BMPR2: variants seen among roughly 807,000 people sequenced by gnomAD.
BMPR2 encodes the protein bone morphogenetic protein receptor type 2.
A neutral mutation model predicts 100.8 loss-of-function variants in BMPR2; 29 were observed. The observed-to-expected ratio is 0.29, with a 90% confidence interval of 0.21 to 0.39. The LOEUF is 0.39. BMPR2 is among the 10% of genes least tolerant of loss of function. BMPR2 has a pLI of 1.00. For synonymous variants in BMPR2, 382 were observed against 442.3 expected, an observed-to-expected ratio of 0.86 and a Z score of 1.71; for missense variants, 1,011 against 1,274.5, an observed-to-expected ratio of 0.79 and a Z score of 3.15.
At chr2:202,524,387 G>A (rs1687871778) in intron 7 of BMPR2, among the ~76,000 whole-genome samples, 1 of 148,268 alleles carries the variant, frequency 6.7e-6, no homozygotes. Context: ...ACAACTACCT[G>A]TTGGGTACTA....
In BMPR2 at chr2:202,472,346, T is replaced by C. The variant is rs1692453302; in HGVS notation, c.418+4657T>C. Among the ~76,000 whole-genome samples, 3 of 152,354 alleles carry C rather than the reference T, an allele frequency of 2.0e-5. No homozygotes were observed. In the South Asian group the frequency reaches 6.2e-4, roughly 32 times the overall value. On this transcript the variant is annotated intron_variant, in intron 3 of 12. Coordinates refer to ENST00000374580, the MANE Select transcript of BMPR2 (RefSeq NM_001204.7). ...CAAAACAAAGTCTCTAATTTTCACT[T>C]GTACTTCTAGCTAGATGAAAGAGAG... is the stretch of plus-strand genomic sequence containing the variant.
At chr2:202,393,078 C>G (rs1574424569) in intron 1 of BMPR2, among the ~76,000 whole-genome samples, 1 of 151,944 alleles carries the variant, frequency 6.6e-6, no homozygotes, top group African/African-American at 2.4e-5. Context: ...CAGCATGTAC[C>G]TATATTTAAT....
intron 1 of BMPR2, among the ~76,000 whole-genome samples, chr2:202,411,000 A>G (rs1457158366): frequency 2.6e-5 from 4 of 152,176 alleles, no homozygotes; most frequent in Non-Finnish European, 4.4e-5. Flanking sequence ...CAGTTAATAA[A>G]TAGAAGGAGT....
chr2:202,489,948 G>A (rs576794101), intron 3 of BMPR2, among the ~76,000 whole-genome samples: 1 of 152,244 alleles, frequency 6.6e-6, no homozygotes, highest in African/African-American at 2.4e-5. Context: ...ATAATCATAG[G>A]TTTGTAGAAC....
rs566171260 is a variant in BMPR2 at position 202,394,258 on chromosome 2, G to A, written c.76+16708G>A. Among the ~76,000 whole-genome samples, 33 of 152,148 alleles carry A rather than the reference G, an allele frequency of 2.2e-4. 1 individual carries two copies. The highest frequency in any genetic ancestry group is 8.0e-4 in the African/African-American group (33 of 41,504). On this transcript the variant is annotated intron_variant, in intron 1 of 12. Transcript: ENST00000374580. ...TCCCAGCTACTTGGAGGCTGAGGCA[G>A]GAGAATTGCTTGAACCCGGAAGGCG...
At chr2:202,471,891 G>C (rs533813676) in intron 3 of BMPR2, among the ~76,000 whole-genome samples, 1 of 151,590 alleles carries the variant, frequency 6.6e-6, no homozygotes. Flanking sequence ...TGATTCTACT[G>C]TGTATTGGTT....
At chr2:202,449,308 CAAAT>C (rs200671172) in intron 1 of BMPR2, among the ~76,000 whole-genome samples, 33,924 of 142,820 alleles carry the variant, frequency 0.24, 4,754 homozygotes, top group East Asian at 0.53. Context: ...AACTCCATCT[CAAAT>C]AAATAAATAA....
chr2:202,556,644 T>G, intron 12 of BMPR2, 113 bp downstream of exon 12: 1 of 1,313,030 alleles, frequency 7.6e-7, no homozygotes, highest in Non-Finnish European at 1.1e-6. Context: ...CCTTTACCAC[T>G]TTTGTAAATG....
rs1394056225 is a variant in BMPR2 at position 202,376,377 on chromosome 2, G to T, written c.-1098G>T. Among the ~76,000 whole-genome samples, 5 of 148,582 alleles carry T rather than the reference G, an allele frequency of 3.4e-5. No individual in the cohort carries two copies. The highest frequency in any genetic ancestry group is 6.0e-5 in the Non-Finnish European group (4 of 66,930). ...CTCGGAGCCACTGGAAGTGCCTCCC[G>T]GAGGGACGCAGGGTGTCTCGCCGCC... is the stretch of plus-strand genomic sequence containing the variant. On this transcript the variant is annotated 5_prime_UTR_variant, in exon 1 of 13. Transcript: ENST00000374580.
At chr2:202,388,943 A>G (rs760694945) in intron 1 of BMPR2, among the ~76,000 whole-genome samples, 23 of 152,156 alleles carry the variant, frequency 1.5e-4, no homozygotes, top group Non-Finnish European at 2.8e-4. Flanking sequence ...GTTATTTGCA[A>G]TTAAAAGTGT....
At chr2:202,558,347 G>A (rs769891823) in intron 12 of BMPR2, among the ~76,000 whole-genome samples, 64 of 152,078 alleles carry the variant, frequency 4.2e-4, no homozygotes, top group South Asian at 1.9e-3. Context: ...CTGGACTTCA[G>A]GTGATCCACC....
intron 3 of BMPR2, chr2:202,505,143 C>T (rs12987781): frequency 0.12 from 18,646 of 156,718 alleles, 1,230 homozygotes; most frequent in Admixed American, 0.14. Flanking sequence ...ATTTTCAAAA[C>T]ACCAATAGCT....
At chr2:202,510,000 A>G (rs2105998918) in intron 3 of BMPR2, among the ~76,000 whole-genome samples, 1 of 152,122 alleles carries the variant, frequency 6.6e-6, no homozygotes, top group South Asian at 2.1e-4. Context: ...ATTAACTCAT[A>G]TTTACTTGAA....
At chr2:202,513,654 CTG>C (rs1445067284) in intron 3 of BMPR2, 63 bp from the exon 4 acceptor site, 1 of 1,194,624 alleles carries the variant, frequency 8.4e-7, no homozygotes, top group African/African-American at 1.5e-5. Context: ...AAAGGGCAGT[CTG>C]TCAGTATTTA....
At chr2:202,485,136 A>T (rs998608479) in intron 3 of BMPR2, among the ~76,000 whole-genome samples, 1 of 151,952 alleles carries the variant, frequency 6.6e-6, no homozygotes, top group South Asian at 2.1e-4. Flanking sequence ...CAATGCCCTA[A>T]TAGTTTCTAA....
chr2:202,473,795 T>TAAAATA (rs1553504117), intron 3 of BMPR2, among the ~76,000 whole-genome samples: 6 of 124,152 alleles, frequency 4.8e-5, no homozygotes, highest in African/African-American at 1.8e-4. Context: ...TGTCTCAAAA[T>TAAAATA]AAATAAAATA....
rs537491237 is a variant in BMPR2, at chr2:202,519,192, G to A, written c.852+140G>A. On this transcript the variant is annotated intron_variant, in intron 6 of 12. Transcript: ENST00000374580. ...GCCTCGCCAACATGGCAAAACTCCC[G>A]TCTCTACTAAAAATACAAAAATTAG... 469 of 845,468 alleles carry A rather than the reference G, an allele frequency of 5.5e-4. 5 individuals carry two copies. Among genetic ancestry groups the A allele is most frequent in the South Asian group, 2.2e-3 (156 of 69,382 alleles). 52.4% of individuals were successfully genotyped at this position (845,468 alleles called of 1,614,324 possible).
intron 1 of BMPR2, among the ~76,000 whole-genome samples, chr2:202,425,330 A>C (rs1022091428): frequency 3.3e-5 from 5 of 152,200 alleles, no homozygotes; most frequent in African/African-American, 1.2e-4. Flanking sequence ...TATGGACAGA[A>C]AAAGGAAAGT....
rs71952440 is a variant in BMPR2 at position 202,462,630 on chromosome 2, CTTTTT to C, written c.77-2170_77-2166del. Among the ~76,000 whole-genome samples, 951 of 142,954 alleles carry C rather than the reference CTTTTT, an allele frequency of 6.7e-3. 15 individuals carry two copies. Among genetic ancestry groups the C allele is most frequent in the African/African-American group, 0.022 (886 of 39,400 alleles). 93.8% of individuals were successfully genotyped at this position (142,954 alleles called of 152,430 possible). On this transcript the variant is annotated intron_variant, in intron 1 of 12. Coordinates refer to ENST00000374580, the MANE Select transcript of BMPR2 (RefSeq NM_001204.7). ...ATATCTGGGATAAACCACCCCGTAC[CTTTTT>C]TTTTTTTTAACTATACTTTTTTTTT... is the stretch of plus-strand genomic sequence containing the variant.
Sources: allele counts gnomAD v4.1 joint callset (sites outside exome capture counted in the v4.1 genomes callset), GRCh38; gene constraint gnomAD v4.1.1; transcripts MANE v1.5; gene names NCBI Gene and HGNC (gene_info 2026-07-23, HGNC 2026-07-21).